NUBPL: variants seen among roughly 807,000 people sequenced by gnomAD.
The protein encoded by NUBPL is NUBP iron-sulfur cluster assembly factor, mitochondrial, also known as iron-sulfur cluster transfer protein NUBPL.
A neutral mutation model predicts 45.7 loss-of-function variants in NUBPL; 31 were observed. The observed-to-expected ratio is 0.68, with a 90% confidence interval of 0.51 to 0.92. The LOEUF (loss-of-function observed/expected upper bound fraction) is 0.92. NUBPL is among the 40% of genes least tolerant of loss of function. The probability of loss-of-function intolerance (pLI) is 0.00; values close to 1 mark genes in which losing one functional copy is unlikely to be tolerated. For missense variants in NUBPL, 401 were observed against 398.7 expected (o/e 1.01, Z -0.05); for synonymous variants, 144 against 140.9 (o/e 1.02, Z -0.15).
At chr14:31,684,656 A>G (rs2036912114) in intron 6 of NUBPL, among the ~76,000 whole-genome samples, 1 of 152,150 alleles carries the variant, frequency 6.6e-6, no homozygotes, top group Non-Finnish European at 1.5e-5. Context: ...TTGGTTTAAG[A>G]TGATGTAGTC....
chr14:31,775,253 A>G (rs2039078639), intron 6 of NUBPL, among the ~76,000 whole-genome samples: 1 of 152,112 alleles, frequency 6.6e-6, no homozygotes, highest in African/African-American at 2.4e-5. Flanking sequence ...CCCTGTCTCT[A>G]CTAAGAATAC....
At chr14:31,831,060 T>TTTATTTATTTATTTA (rs60308003) in intron 8 of NUBPL, among the ~76,000 whole-genome samples, 1 of 150,806 alleles carries the variant, frequency 6.6e-6, no homozygotes, top group South Asian at 2.1e-4. Context: ...TTATTTATTT[T>TTTATTTATTTATTTA]TTTGAGACAG....
intron 4 of NUBPL, among the ~76,000 whole-genome samples, chr14:31,644,152 C>T (rs938629384): frequency 3.3e-5 from 5 of 151,460 alleles, no homozygotes; most frequent in African/African-American, 1.2e-4. Context: ...TTATTTTTGC[C>T]CTGATCTTTA....
At chr14:31,721,265 G>C (rs561931260) in intron 6 of NUBPL, among the ~76,000 whole-genome samples, 2 of 152,158 alleles carry the variant, frequency 1.3e-5, no homozygotes, top group South Asian at 4.2e-4. Flanking sequence ...AAATACTGGG[G>C]AATTAAGTAT....
intron 3 of NUBPL, among the ~76,000 whole-genome samples, chr14:31,571,664 G>A (rs2033589551): frequency 6.6e-6 from 1 of 152,054 alleles, no homozygotes; most frequent in Non-Finnish European, 1.5e-5. Flanking sequence ...TGGCCAGGCT[G>A]GTCTCGAACT....
At chr14:31,613,541 TC>T (rs1261826282) in intron 4 of NUBPL, among the ~76,000 whole-genome samples, 1 of 152,030 alleles carries the variant, frequency 6.6e-6, no homozygotes, top group Non-Finnish European at 1.5e-5. Flanking sequence ...AACCTCTGCC[TC>T]CCAGGTTCCC....
chr14:31,625,687 G>C (rs888175158), intron 4 of NUBPL, among the ~76,000 whole-genome samples: 1 of 151,960 alleles, frequency 6.6e-6, no homozygotes, highest in African/African-American at 2.4e-5. Context: ...TATTGGCCAG[G>C]CTGGTCTCAA....
At chr14:31,842,659 G>A (rs1214409501) in intron 8 of NUBPL, among the ~76,000 whole-genome samples, 1 of 152,000 alleles carries the variant, frequency 6.6e-6, no homozygotes, top group Non-Finnish European at 1.5e-5. Flanking sequence ...TTTGTGTGTC[G>A]TGGAAACAGG....
At chr14:31,753,193 G>A (rs113225271) in intron 6 of NUBPL, among the ~76,000 whole-genome samples, 1,625 of 152,298 alleles carry the variant, frequency 0.011, 24 homozygotes, top group African/African-American at 0.037. Flanking sequence ...TGAGTGGGCC[G>A]GTTCTCAGGC....
In NUBPL at chr14:31,599,308, T is replaced by C. The variant is rs201430951; in HGVS notation, c.311T>C (p.Leu104Pro). ...ANDSSKAIGL[L>P]DVDVYGPSVP... ...TTACAGTCCAAGGCCATTGGTTTGC[T>C]AGATGTGGATGTGTATGGACCTTCA... is the stretch of plus-strand genomic sequence containing the variant. The change falls in exon 4 of 11, where the codon CTA (leucine) becomes CCA (proline). Residue 104 changes from leucine to proline, a missense_variant. Coordinates refer to ENST00000281081, the MANE Select transcript of NUBPL (RefSeq NM_025152.3). The C allele has an allele frequency of 2.0e-4, 316 of 1,612,040 alleles. No individual in the cohort carries two copies. The highest frequency in any genetic ancestry group is 2.4e-4 in the Non-Finnish European group (286 of 1,178,614).
chr14:31,602,335 C>T (rs1350249581), intron 4 of NUBPL, among the ~76,000 whole-genome samples: 1 of 148,608 alleles, frequency 6.7e-6, no homozygotes, highest in African/African-American at 2.5e-5. Flanking sequence ...CACATGTATA[C>T]ATATGTAACT....
chr14:31,636,278 T>G lies in NUBPL; in HGVS notation c.382+36899T>G, dbSNP rs1454992862. On this transcript the variant is annotated intron_variant, in intron 4 of 10. Transcript: ENST00000281081. ...GAGATACGTCCCATCAATACCTAATTTATTGAGAGTTTTTAGCATGAAGCG... is the reference window on the plus strand; with the variant it reads ...GAGATACGTCCCATCAATACCTAATGTATTGAGAGTTTTTAGCATGAAGCG... 2.0e-5 allele frequency among the ~76,000 whole-genome samples: 3 copies of G among 152,052 alleles called. No individual in the cohort carries two copies. In the East Asian group the frequency reaches 5.8e-4, roughly 29 times the overall value.
At chr14:31,579,893 A>G (rs1697915585) in intron 3 of NUBPL, among the ~76,000 whole-genome samples, 1 of 152,208 alleles carries the variant, frequency 6.6e-6, no homozygotes, top group South Asian at 2.1e-4. Context: ...TAAAAAATTG[A>G]GGTGAAATTC....
chr14:31,646,910 T>C (rs1346923654), intron 4 of NUBPL, among the ~76,000 whole-genome samples: 1 of 152,184 alleles, frequency 6.6e-6, no homozygotes, highest in African/African-American at 2.4e-5. Context: ...TCTTTCTTTT[T>C]TCTCCTTTGT....
intron 4 of NUBPL, among the ~76,000 whole-genome samples, chr14:31,635,074 G>A (rs2035452602): frequency 6.8e-6 from 1 of 147,536 alleles, no homozygotes; most frequent in Non-Finnish European, 1.5e-5. Flanking sequence ...CTTTTGCTGT[G>A]CAGAAGCTCT....
intron 4 of NUBPL, among the ~76,000 whole-genome samples, chr14:31,602,081 T>C (rs1302248476): frequency 1.3e-5 from 2 of 152,146 alleles, no homozygotes; most frequent in Non-Finnish European, 1.5e-5. Context: ...GAGTTCATGT[T>C]CTTTGTAGGG....
intron 7 of NUBPL, among the ~76,000 whole-genome samples, chr14:31,815,254 C>T (rs2039892689): frequency 6.6e-6 from 1 of 152,060 alleles, no homozygotes; most frequent in Non-Finnish European, 1.5e-5. Context: ...AGGTCCTTCA[C>T]ATCCCTTGTA....
intron 8 of NUBPL, among the ~76,000 whole-genome samples, chr14:31,836,515 G>A (rs116633347): frequency 6.6e-6 from 1 of 152,088 alleles, no homozygotes; most frequent in Non-Finnish European, 1.5e-5. Flanking sequence ...TATTTGGCGG[G>A]GAAGACATCA....
chr14:31,822,897 T>C (rs1382802629), intron 7 of NUBPL, among the ~76,000 whole-genome samples: 2 of 152,172 alleles, frequency 1.3e-5, no homozygotes, highest in Non-Finnish European at 2.9e-5. Context: ...TGTGCTACTG[T>C]GTTAGGGTTA....
Sources: allele counts gnomAD v4.1 joint callset (sites outside exome capture counted in the v4.1 genomes callset), GRCh38; gene constraint gnomAD v4.1.1; transcripts MANE v1.5; gene names NCBI Gene and HGNC (gene_info 2026-07-23, HGNC 2026-07-21).